The following AKAIN1 variants were observed in gnomAD, a reference collection of about 807,000 sequenced individuals.
AKAIN1 encodes A-kinase anchor inhibitor 1.
Under a neutral mutation model 3.7 loss-of-function variants are expected in AKAIN1, and 3 were observed. The observed-to-expected ratio is 0.82, with a 90% confidence interval of 0.37 to 2.12. AKAIN1 has a LOEUF of 2.12. Ranked by LOEUF, AKAIN1 falls within the 30% of genes most tolerant of loss-of-function variation. The pLI is 0.06. For synonymous variants in AKAIN1, 31 were observed against 30.8 expected (o/e 1.01, Z -0.02); for missense variants, 82 against 82.7 (o/e 0.99, Z 0.03).
chr18:5,158,050 G>A (rs2071118319), intron 1 of AKAIN1, among the ~76,000 whole-genome samples: 1 of 151,938 alleles, frequency 6.6e-6, no homozygotes, highest in African/African-American at 2.4e-5. Flanking sequence ...TCTAAAATGG[G>A]TACAATAATG....
At chr18:5,174,100 CT>C (rs1031590810) in intron 1 of AKAIN1, among the ~76,000 whole-genome samples, 7 of 152,088 alleles carry the variant, frequency 4.6e-5, no homozygotes, top group African/African-American at 1.7e-4. Flanking sequence ...CATGAACATC[CT>C]TTTTTAAGAC....
At chr18:5,186,854 A>G (rs1375011340) in intron 1 of AKAIN1, among the ~76,000 whole-genome samples, 1 of 152,212 alleles carries the variant, frequency 6.6e-6, no homozygotes, top group Admixed American at 6.5e-5. Context: ...TCCAATCATA[A>G]TAGAATGAAA....
Position 5,145,560 on chromosome 18 carries a change from T to C in AKAIN1, c.*2A>G, listed in dbSNP as rs1331222547. On this transcript the variant is annotated 3_prime_UTR_variant, in exon 2 of 2. Transcript: ENST00000434239. ...CACATGTCAAGAGCCAAATCCACCA[T>C]GTTACTTCTTTTCGTGCTTCTTGGT... is the stretch of plus-strand genomic sequence containing the variant. The C allele has an allele frequency of 9.0e-6, 14 of 1,550,584 alleles. No individual in the cohort carries two copies. The highest frequency in any genetic ancestry group is 1.8e-4 in the Middle Eastern group (1 of 5,662).
intron 1 of AKAIN1, among the ~76,000 whole-genome samples, chr18:5,194,950 A>T (rs566929311): frequency 6.6e-6 from 1 of 152,322 alleles, no homozygotes; most frequent in South Asian, 2.1e-4. Flanking sequence ...ATGAGGTTGC[A>T]GTGCTGAAAA....
intron 1 of AKAIN1, among the ~76,000 whole-genome samples, chr18:5,172,375 T>C (rs958727092): frequency 2.0e-5 from 3 of 152,170 alleles, no homozygotes; most frequent in African/African-American, 7.2e-5. Flanking sequence ...ATGTGATTAT[T>C]ACCCATTGTG....
chr18:5,179,417 A>ATGTATG (rs762534539), intron 1 of AKAIN1, among the ~76,000 whole-genome samples: 2 of 101,754 alleles, frequency 2.0e-5, no homozygotes, highest in African/African-American at 3.7e-5. Context: ...GTATGTATGT[A>ATGTATG]TGTGTGTATA....
chr18:5,171,495 A>G (rs2071197413), intron 1 of AKAIN1, among the ~76,000 whole-genome samples: 1 of 152,222 alleles, frequency 6.6e-6, no homozygotes, highest in African/African-American at 2.4e-5. Context: ...ACTACTGGAA[A>G]AAAATCTAAT....
intron 1 of AKAIN1, among the ~76,000 whole-genome samples, chr18:5,158,348 G>A (rs1051429582): frequency 6.6e-6 from 1 of 152,196 alleles, no homozygotes; most frequent in African/African-American, 2.4e-5. Context: ...CACTCCTTTG[G>A]TGCCAGCTCA....
At chr18:5,197,539 C>A, upstream of AKAIN1, 2 of 1,094,358 alleles carry the variant, frequency 1.8e-6, no homozygotes, top group South Asian at 9.2e-5. The surrounding 1 kb of genome is among the most constrained non-coding windows in gnomAD (Gnocchi z 6.9). Context: ...TCTTTACTCT[C>A]GAGGATGACT....
intron 1 of AKAIN1, among the ~76,000 whole-genome samples, chr18:5,172,864 T>G (rs1009991818): frequency 2.0e-5 from 3 of 152,080 alleles, no homozygotes; most frequent in Non-Finnish European, 4.4e-5. Flanking sequence ...AGAGTTATTA[T>G]GGAAGAAAAT....
Position 5,197,074 on chromosome 18 carries a change from C to T in AKAIN1, c.-21G>A. 5 of 1,551,486 alleles carry T rather than the reference C, an allele frequency of 3.2e-6. No individual in the cohort carries two copies. Among genetic ancestry groups the T allele is most frequent in the Non-Finnish European group, 4.4e-6 (5 of 1,146,922 alleles). On this transcript the variant is annotated 5_prime_UTR_variant, in exon 1 of 2. Transcript: ENST00000434239. This position sits in a 1 kb window ranked among gnomAD's most constrained non-coding sequence, Gnocchi z 6.9. Reference sequence around the variant, plus strand: ...ACCATGATTTCTTCCAGCCGCTACGCCCCCAGATTAAGAGAGAAAGACAGG... The same window carrying T: ...ACCATGATTTCTTCCAGCCGCTACGTCCCCAGATTAAGAGAGAAAGACAGG...
intron 1 of AKAIN1, among the ~76,000 whole-genome samples, chr18:5,181,145 AG>A (rs1443356121): frequency 6.6e-6 from 1 of 151,846 alleles, no homozygotes; most frequent in African/African-American, 2.4e-5. Context: ...AGTAAAATTT[AG>A]CCAGGCATGG....
intron 1 of AKAIN1, among the ~76,000 whole-genome samples, chr18:5,177,476 AT>A (rs1177987286): frequency 1.3e-5 from 2 of 150,490 alleles, no homozygotes; most frequent in African/African-American, 4.9e-5. Context: ...TTTTACATAC[AT>A]GTTTTCTATT....
intron 1 of AKAIN1, among the ~76,000 whole-genome samples, chr18:5,171,471 G>C (rs987420958): frequency 2.6e-5 from 4 of 151,840 alleles, no homozygotes; most frequent in Non-Finnish European, 5.9e-5. Flanking sequence ...AAATATATAA[G>C]GAGCTCAAAC....
At chr18:5,188,969 C>T (rs1598316944) in intron 1 of AKAIN1, among the ~76,000 whole-genome samples, 1 of 152,238 alleles carries the variant, frequency 6.6e-6, no homozygotes, top group Admixed American at 6.5e-5. Context: ...AAATGCATGC[C>T]TTCACAGCTT....
intron 1 of AKAIN1, among the ~76,000 whole-genome samples, chr18:5,153,871 T>C (rs1567871935): frequency 6.6e-6 from 1 of 151,188 alleles, no homozygotes; most frequent in Non-Finnish European, 1.5e-5. Flanking sequence ...CTGTGGGGGA[T>C]GTAGAAAGGG....
intron 1 of AKAIN1, among the ~76,000 whole-genome samples, chr18:5,165,167 T>G (rs941316056): frequency 5.9e-5 from 9 of 151,958 alleles, no homozygotes; most frequent in African/African-American, 2.2e-4. Flanking sequence ...TTAAAAGAGA[T>G]AGAGGAACCC....
At chr18:5,175,019 C>T (rs1259500871) in intron 1 of AKAIN1, among the ~76,000 whole-genome samples, 1 of 152,180 alleles carries the variant, frequency 6.6e-6, no homozygotes, top group Non-Finnish European at 1.5e-5. Flanking sequence ...GCCAGTGTAG[C>T]CGCACAGGGT....
rs181894576 is a variant in AKAIN1 at position 5,190,549 on chromosome 18, C to T, written c.16+6489G>A. ...ACATTTAAAAAAGAAATTATACAAT[C>T]GGTCTTATATAAGCAGAAAAAATTG... On this transcript the variant is annotated intron_variant, in intron 1 of 1. Transcript: ENST00000434239. Among the ~76,000 whole-genome samples, 7 of 152,186 alleles carry T rather than the reference C, an allele frequency of 4.6e-5. No individual in the cohort carries two copies. In the East Asian group the frequency reaches 7.7e-4, roughly 17 times the overall value.
Sources: allele counts gnomAD v4.1 joint callset (sites outside exome capture counted in the v4.1 genomes callset), GRCh38; gene constraint gnomAD v4.1.1; non-coding constraint Gnocchi (gnomAD v3.1); transcripts MANE v1.5; gene names NCBI Gene and HGNC (gene_info 2026-07-23, HGNC 2026-07-21).